Variants in GABBR2 observed in about 807,000 individuals in gnomAD.
GABBR2 encodes gamma-aminobutyric acid type B receptor subunit 2, also known as G-protein coupled receptor 51.
A neutral mutation model predicts 105.6 loss-of-function variants in GABBR2; 23 were observed. That is an observed-to-expected ratio of 0.22 (90% CI 0.16 to 0.31). The LOEUF (loss-of-function observed/expected upper bound fraction) is 0.31, where lower values mean the gene tolerates loss of function less well. Ranked by LOEUF, GABBR2 falls within the 10% of genes least tolerant of loss-of-function variation. The probability of loss-of-function intolerance (pLI) is 1.00; values close to 1 mark genes in which losing one functional copy is unlikely to be tolerated. For synonymous variants in GABBR2, 478 were observed against 499.7 expected (o/e 0.96, Z 0.58); for missense variants, 734 against 1,245.5 (o/e 0.59, Z 6.18).
intron 6 of GABBR2, among the ~76,000 whole-genome samples, chr9:98,458,158 C>G (rs1349587474): frequency 6.6e-6 from 1 of 152,158 alleles, no homozygotes; most frequent in Non-Finnish European, 1.5e-5. Context: ...GTCTGTCATC[C>G]CAACAGAAAT....
chr9:98,517,739 G>C (rs1333596970), intron 3 of GABBR2, among the ~76,000 whole-genome samples: 1 of 152,200 alleles, frequency 6.6e-6, no homozygotes, highest in Non-Finnish European at 1.5e-5. Context: ...AGAACTTTCA[G>C]ATAGGGCAGC....
intron 1 of GABBR2, among the ~76,000 whole-genome samples, chr9:98,653,651 T>C (rs898164217): frequency 6.6e-6 from 1 of 152,136 alleles, no homozygotes; most frequent in Non-Finnish European, 1.5e-5. Flanking sequence ...ATAACCAACC[T>C]CTGTCCCTAA....
At chr9:98,395,345 T>C (rs953482135) in intron 8 of GABBR2, among the ~76,000 whole-genome samples, 2 of 152,124 alleles carry the variant, frequency 1.3e-5, no homozygotes, top group Non-Finnish European at 2.9e-5. Flanking sequence ...TTGGATGTGC[T>C]GAGCCTGGGA....
intron 1 of GABBR2, among the ~76,000 whole-genome samples, chr9:98,595,457 G>A (rs1464341337): frequency 6.6e-6 from 1 of 150,834 alleles, no homozygotes; most frequent in African/African-American, 2.4e-5. Flanking sequence ...CCTAGAGCCG[G>A]CCACCAGATG....
intron 13 of GABBR2, among the ~76,000 whole-genome samples, chr9:98,343,942 A>C (rs1831259763): frequency 6.6e-6 from 1 of 152,150 alleles, no homozygotes; most frequent in Non-Finnish European, 1.5e-5. Context: ...TCGTGGCCCT[A>C]ATCTTACTTG....
At chr9:98,423,633 T>G (rs1230941564) in intron 7 of GABBR2, among the ~76,000 whole-genome samples, 13 of 151,854 alleles carry the variant, frequency 8.6e-5, no homozygotes, top group Non-Finnish European at 1.3e-4. Flanking sequence ...GTCAATTTTG[T>G]CTTTTGTTGC....
At chr9:98,373,923 T>C (rs1831829488) in intron 11 of GABBR2, among the ~76,000 whole-genome samples, 1 of 132,446 alleles carries the variant, frequency 7.6e-6, no homozygotes, top group Non-Finnish European at 1.6e-5. Flanking sequence ...AGTGGTACAA[T>C]CACAGCTCAT....
At chr9:98,696,561 C>G (rs149891792) in intron 1 of GABBR2, among the ~76,000 whole-genome samples, 1 of 152,234 alleles carries the variant, frequency 6.6e-6, no homozygotes, top group African/African-American at 2.4e-5. Context: ...ATCCCTGGGC[C>G]TCCTCCCCCA....
chr9:98,681,034 C>T (rs1309070296), intron 1 of GABBR2, among the ~76,000 whole-genome samples: 1 of 151,874 alleles, frequency 6.6e-6, no homozygotes, highest in African/African-American at 2.4e-5. Flanking sequence ...GTCAGTGTGG[C>T]GACTCCTCAG....
chr9:98,362,875 G>A (rs776762763), intron 12 of GABBR2, 38 bp from the exon 13 acceptor site: 1 of 1,459,804 alleles, frequency 6.9e-7, no homozygotes, highest in South Asian at 1.6e-5. Flanking sequence ...GCCGATGTGA[G>A]AGACAGCTTC....
chr9:98,361,406 G>A (rs1002212077), intron 13 of GABBR2, among the ~76,000 whole-genome samples: 1 of 152,082 alleles, frequency 6.6e-6, no homozygotes, highest in Non-Finnish European at 1.5e-5. Flanking sequence ...TATTATCACC[G>A]CCACAGTCTC....
intron 3 of GABBR2, among the ~76,000 whole-genome samples, chr9:98,505,395 C>A (rs956670782): frequency 8.7e-5 from 13 of 150,230 alleles, no homozygotes; most frequent in Admixed American, 6.6e-4. Context: ...TTGGGGAATG[C>A]CTGTGGGTAT....
chr9:98,457,639 C>A (rs956360079), intron 6 of GABBR2, among the ~76,000 whole-genome samples: 5 of 152,126 alleles, frequency 3.3e-5, no homozygotes, highest in African/African-American at 1.2e-4. Context: ...TGGGTAGAGT[C>A]CTTGGAATCA....
intron 16 of GABBR2, among the ~76,000 whole-genome samples, chr9:98,302,202 T>C (rs528249241): frequency 6.6e-6 from 1 of 152,328 alleles, no homozygotes; most frequent in South Asian, 2.1e-4. Flanking sequence ...TCACTAGGTG[T>C]GCTCATGTCA....
intron 1 of GABBR2, among the ~76,000 whole-genome samples, chr9:98,612,600 G>A (rs1400021473): frequency 2.0e-5 from 3 of 152,168 alleles, no homozygotes; most frequent in African/African-American, 7.2e-5. Context: ...AGGTGGTATC[G>A]CAAATTAAAT....
intron 13 of GABBR2, 142 bp downstream of exon 13, chr9:98,362,573 C>T: frequency 1.8e-6 from 1 of 546,868 alleles, no homozygotes; most frequent in Admixed American, 4.1e-5. Flanking sequence ...CCTGGAATTA[C>T]ATGTCTCAAA....
intron 1 of GABBR2, among the ~76,000 whole-genome samples, chr9:98,689,367 C>CT (rs1482795493): frequency 4.6e-5 from 7 of 152,154 alleles, no homozygotes; most frequent in African/African-American, 1.7e-4. Context: ...AATAACAATG[C>CT]TTACCTCCTA....
intron 4 of GABBR2, among the ~76,000 whole-genome samples, chr9:98,489,806 T>C (rs1241759844): frequency 6.6e-6 from 1 of 152,148 alleles, no homozygotes; most frequent in African/African-American, 2.4e-5. Flanking sequence ...CAAAAGCCCC[T>C]GTTATGCTTG....
intron 1 of GABBR2, among the ~76,000 whole-genome samples, chr9:98,604,135 C>T (rs1365812637): frequency 6.6e-6 from 1 of 152,174 alleles, no homozygotes; most frequent in Non-Finnish European, 1.5e-5. Flanking sequence ...GCTTCCCAAG[C>T]GCTATTCCAG....
Sources: gnomAD v4.1 joint callset for allele counts (sites outside exome capture counted in the v4.1 genomes callset) on GRCh38, gnomAD v4.1.1 for gene constraint, MANE v1.5 for transcripts, NCBI Gene and HGNC (gene_info 2026-07-23, HGNC 2026-07-21) for gene names.